The following SKA3 variants were observed in gnomAD, a reference collection of about 807,000 sequenced individuals.
SKA3 encodes the protein spindle and kinetochore-associated protein 3.
A neutral mutation model predicts 44.2 loss-of-function variants in SKA3; 39 were observed. The observed-to-expected ratio is 0.88, with a 90% CI of 0.68 to 1.15. SKA3 has a LOEUF of 1.15. Ranked by LOEUF, SKA3 falls within the 50% of genes most tolerant of loss-of-function variation. The pLI, the probability that SKA3 is intolerant of heterozygous loss-of-function variation, is 0.00. For synonymous variants in SKA3, 192 were observed against 172.0 expected (o/e 1.12, Z -0.91); for missense variants, 511 against 485.8 (o/e 1.05, Z -0.49).
intron 1 of SKA3, among the ~76,000 whole-genome samples, chr13:21,173,359 C>T (rs112927568): frequency 6.6e-6 from 1 of 152,152 alleles, no homozygotes; most frequent in African/African-American, 2.4e-5. Flanking sequence ...CGGATTCAAG[C>T]GATTCTCCTG....
chr13:21,155,005 A>T lies in SKA3; in HGVS notation c.*145T>A. On this transcript the variant is annotated 3_prime_UTR_variant, in exon 9 of 9. Coordinates refer to ENST00000314759, the MANE Select transcript of SKA3 (RefSeq NM_145061.6). ...ATTGAAACTTCATAAAAAGCATATT[A>T]TGATGTTAATGTTCATGTTTGTCTT... 1 of 1,311,770 alleles carries T rather than the reference A, an allele frequency of 7.6e-7. No homozygotes were observed. Among genetic ancestry groups the T allele is most frequent in the Non-Finnish European group, 1.1e-6 (1 of 932,628 alleles). 81.3% of individuals were successfully genotyped at this position (1,311,770 alleles called of 1,614,324 possible). A position where few individuals can be genotyped will look rare whatever the true frequency, so the allele number is the denominator to read the frequency against.
Position 21,168,317 on chromosome 13 carries a change from C to A in SKA3, c.414G>T (p.Leu138=), listed in dbSNP as rs538040206. 4.1e-5 allele frequency: 66 copies of A among 1,614,038 alleles called. No homozygotes were observed. Among genetic ancestry groups the A allele is most frequent in the Middle Eastern group, 3.3e-4 (2 of 6,084 alleles). Residue 138 remains leucine, a synonymous_variant, in exon 4 of 9, where the codon CTG becomes CTT. Coordinates refer to ENST00000314759, the MANE Select transcript of SKA3 (RefSeq NM_145061.6). Reference sequence around the variant, plus strand: ...AACTGCTTGCAACAGGAGGATCAGACAGATCATCTTTCACATCAGTCTTCT... The same window carrying A: ...AACTGCTTGCAACAGGAGGATCAGAAAGATCATCTTTCACATCAGTCTTCT... The part of the protein sequence containing the change: ...NFQKTDVKDD[L]SDPPVASSCI...
chr13:21,170,464 G>A (rs1276015018), intron 3 of SKA3, among the ~76,000 whole-genome samples: 1 of 152,182 alleles, frequency 6.6e-6, no homozygotes, highest in African/African-American at 2.4e-5. Context: ...ACAGGCATGA[G>A]CCACCGTGCC....
chr13:21,156,021 T>A (rs555495577), intron 7 of SKA3, among the ~76,000 whole-genome samples: 1 of 151,986 alleles, frequency 6.6e-6, no homozygotes, highest in South Asian at 2.1e-4. Flanking sequence ...ACCTCGTCTC[T>A]ACTAAACATA....
intron 4 of SKA3, among the ~76,000 whole-genome samples, chr13:21,164,032 T>G (rs6490644): frequency 0.91 from 138,329 of 151,888 alleles, 63,366 homozygotes; most frequent in East Asian, 1. Context: ...CCAAAGTGTT[T>G]GGATTACAGG....
chr13:21,156,501 T>C (rs570607282), intron 7 of SKA3, among the ~76,000 whole-genome samples: 83 of 152,294 alleles, frequency 5.4e-4, no homozygotes, highest in Admixed American at 8.5e-4. Context: ...AAGGCTTCCT[T>C]CCTTTTACAA....
chr13:21,163,471 G>C (rs1038815331), intron 4 of SKA3, among the ~76,000 whole-genome samples: 14 of 151,936 alleles, frequency 9.2e-5, no homozygotes, highest in Non-Finnish European at 1.9e-4. Flanking sequence ...TTTCATAAAG[G>C]CTTTTATATA....
In SKA3 at chr13:21,168,054, G is replaced by C. The variant is rs377625290; in HGVS notation, c.677C>G (p.Ser226Cys). 5.0e-6 allele frequency: 8 copies of C among 1,613,170 alleles called. No homozygotes were observed. In the African/African-American group the frequency reaches 6.7e-5, roughly 13 times the overall value. ...VTPKLEHFGI[S>C]EYTMCLNEDY... is the part of the protein sequence containing the mutation. ...TTCATTTAAACACATAGTATATTCA[G>C]AGATACCAAAGTGTTCTAATTTAGG... Residue 226 changes from serine to cysteine, a missense_variant, in exon 4 of 9, where the codon TCT (serine) becomes TGT (cysteine). Coordinates refer to ENST00000314759, the MANE Select transcript of SKA3 (RefSeq NM_145061.6).
intron 4 of SKA3, among the ~76,000 whole-genome samples, chr13:21,166,763 C>A (rs1479826244): frequency 6.6e-6 from 1 of 152,042 alleles, no homozygotes; most frequent in African/African-American, 2.4e-5. Flanking sequence ...ACAAAACACA[C>A]AATATAGTCC....
At chr13:21,171,451 C>A (rs1296273616) in intron 3 of SKA3, among the ~76,000 whole-genome samples, 1 of 151,958 alleles carries the variant, frequency 6.6e-6, no homozygotes, top group Non-Finnish European at 1.5e-5. Context: ...GTGGCGGGCC[C>A]CTGTAGTCCC....
rs1870227416 is a variant in SKA3 at position 21,158,071 on chromosome 13, C to G, written c.970G>C (p.Val324Leu). ...AAAACCAACGAAGTACGATCTTCAA[C>G]TTCCAAATCATTTGATGAACTATTT... ...KTNSSSNDLE[V>L]EDRTSLVLNS... The change falls in exon 7 of 9, where the codon GTT becomes CTT. Residue 324 changes from valine (V) to leucine (L), a missense_variant. Coordinates refer to ENST00000314759, the MANE Select transcript of SKA3 (RefSeq NM_145061.6). 6.2e-7 allele frequency: 1 copy of G among 1,612,884 alleles called. No homozygotes were observed. Among genetic ancestry groups the G allele is most frequent in the African/African-American group, 1.3e-5 (1 of 74,904 alleles).
chr13:21,160,780 A>G (rs1364093399), intron 5 of SKA3, among the ~76,000 whole-genome samples: 2 of 151,924 alleles, frequency 1.3e-5, no homozygotes, highest in Non-Finnish European at 2.9e-5. Context: ...GGCACTGCCT[A>G]TAATAATAAA....
chr13:21,172,262 A>T (rs1871092035), intron 3 of SKA3, 77 bp downstream of exon 3: 2 of 972,272 alleles, frequency 2.1e-6, no homozygotes, highest in East Asian at 5.1e-5. Context: ...ACCATAGCCA[A>T]GGCTACAGTT....
At chr13:21,161,744 G>GT in intron 5 of SKA3, 46 bp downstream of exon 5, 1 of 1,421,022 alleles carries the variant, frequency 7.0e-7, no homozygotes, top group Non-Finnish European at 9.9e-7. Flanking sequence ...TTCAAAGATA[G>GT]TTTGGGAAAA....
Position 21,158,125 on chromosome 13 carries a change from C to A in SKA3, c.916G>T (p.Val306Leu), listed in dbSNP as rs764380078. The change falls in exon 7 of 9, where the codon GTA becomes TTA. Residue 306 changes from valine (V) to leucine (L), a missense_variant and splice_region_variant. Transcript: ENST00000314759. The part of the protein sequence containing the change: ...IPSTKNSIAL[V>L]STNYPLSKTN... Reference sequence around the variant, plus strand: ...TTTGATAATGGGTAATTTGTGGATACCTATTGAATAAAAATAGACCATTAA... The same window carrying A: ...TTTGATAATGGGTAATTTGTGGATAACTATTGAATAAAAATAGACCATTAA... 2 of 1,552,674 alleles carry A rather than the reference C, an allele frequency of 1.3e-6. No individual in the cohort carries two copies.
chr13:21,160,126 TAACA>T, intron 5 of SKA3, 139 bp from the exon 6 acceptor site: 1 of 510,718 alleles, frequency 2.0e-6, no homozygotes, highest in Admixed American at 4.0e-5. Context: ...TAATACACAA[TAACA>T]AATAGTTGTG....
In SKA3 at chr13:21,172,374, T is replaced by G. The variant is rs1871101097; in HGVS notation, c.296A>C (p.Lys99Thr). ...DIMKIREYFQ[K>T]YGYSPRVKKN... ...CTTGACACGTGGACTATATCCATAC[T>G]TCTGGAAATACTCTCTTATTTTCAT... is the stretch of plus-strand genomic sequence containing the variant. The change falls in exon 3 of 9, where the codon AAG becomes ACG. Residue 99 changes from lysine (K) to threonine (T), a missense_variant. Coordinates refer to ENST00000314759, the MANE Select transcript of SKA3 (RefSeq NM_145061.6). The G allele has an allele frequency of 6.3e-7, 1 of 1,581,524 alleles. No homozygotes were observed. Among genetic ancestry groups the G allele is most frequent in the Non-Finnish European group, 8.6e-7 (1 of 1,168,278 alleles).
In SKA3 at chr13:21,154,905, G is replaced by T. The variant is rs1479778519; in HGVS notation, c.*245C>A. On this transcript the variant is annotated 3_prime_UTR_variant, in exon 9 of 9. Transcript: ENST00000314759. ...TCTGTTGATTAAGCTGGGTAATTTA[G>T]TATCAATGAAACACTAATAATCCTT... 14 of 612,906 alleles carry T rather than the reference G, an allele frequency of 2.3e-5. No individual in the cohort carries two copies. The highest frequency in any genetic ancestry group is 3.9e-5 in the Non-Finnish European group (14 of 356,632). The allele number at this position is 612,906 out of a possible 1,614,324, so 38.0% of individuals were successfully genotyped here.
Position 21,160,123 on chromosome 13 carries a change from C to A in SKA3, c.830-136G>T, listed in dbSNP as rs146856844. ...TCAGCAAGGATGCAAGAGTAATACA[C>A]AATAACAAATAGTTGTGTTGTAATA... On this transcript the variant is annotated intron_variant, in intron 5 of 8. Coordinates refer to ENST00000314759, the MANE Select transcript of SKA3 (RefSeq NM_145061.6). 297 of 520,128 alleles carry A rather than the reference C, an allele frequency of 5.7e-4. 3 individuals are homozygous for A. In the East Asian group the frequency reaches 9.1e-3, roughly 16 times the overall value. The allele number at this position is 520,128 out of a possible 1,614,324, so 32.2% of individuals were successfully genotyped here.
Sources: allele counts gnomAD v4.1 joint callset (sites outside exome capture counted in the v4.1 genomes callset), GRCh38; gene constraint gnomAD v4.1.1; transcripts MANE v1.5; gene names NCBI Gene and HGNC (gene_info 2026-07-23, HGNC 2026-07-21).